Variants in FBH1 observed in about 807,000 individuals in gnomAD.
FBH1 encodes DNA 3'-5' helicase 1.
A neutral mutation model predicts 115.5 loss-of-function variants in FBH1; 43 were observed. The ratio of observed to expected loss-of-function variants is 0.37; its 90% CI spans 0.29 to 0.48. The LOEUF (loss-of-function observed/expected upper bound fraction) is 0.48, where lower values mean the gene tolerates loss of function less well. Ranked by LOEUF, FBH1 falls within the 20% of genes least tolerant of loss-of-function variation. The pLI is 0.99. For synonymous variants in FBH1, 524 were observed against 507.8 expected, an observed-to-expected ratio of 1.03 and a Z score of -0.43; for missense variants, 1,001 against 1,337.3, an observed-to-expected ratio of 0.75 and a Z score of 3.92.
At chr10:5,902,731 A>G (rs1843427484) in intron 1 of FBH1, among the ~76,000 whole-genome samples, 1 of 152,120 alleles carries the variant, frequency 6.6e-6, no homozygotes, top group Non-Finnish European at 1.5e-5. Flanking sequence ...GCCCAGCCAC[A>G]ACGTTTTCTT....
At chr10:5,928,095 A>AC (rs1832759392) in intron 19 of FBH1, among the ~76,000 whole-genome samples, 1 of 150,514 alleles carries the variant, frequency 6.6e-6, no homozygotes, top group East Asian at 1.9e-4. Flanking sequence ...AAAAAAAAAA[A>AC]AGATACCAGC....
chr10:5,921,383 T>C lies in FBH1; in HGVS notation c.2200+26T>C, dbSNP rs369080849. On this transcript the variant is annotated intron_variant, in intron 14 of 20. Coordinates refer to ENST00000362091, the MANE Select transcript of FBH1 (RefSeq NM_178150.3). The surrounding 1 kb of genome is among the most constrained non-coding windows in gnomAD (Gnocchi z 6.4). Reference sequence around the variant, plus strand: ...GTAAGGCTTTTAGTTACTCTTCTCTTTTGTGTTACAAAAGTTTTCCTCTTT... The same window carrying C: ...GTAAGGCTTTTAGTTACTCTTCTCTCTTGTGTTACAAAAGTTTTCCTCTTT... 5 of 1,611,018 alleles carry C rather than the reference T, an allele frequency of 3.1e-6. No individual in the cohort carries two copies. The African/African-American group carries it at 6.7e-5, about 22-fold the overall frequency.
At chr10:5,889,931 G>GC (rs1345045510), upstream of FBH1, 1 of 172,150 alleles carries the variant, frequency 5.8e-6, no homozygotes, top group Non-Finnish European at 1.2e-5. Flanking sequence ...CCTGGGCTCC[G>GC]CCCCCGTCCC....
At chr10:5,894,370 T>C in intron 1 of FBH1, 1 of 1,578,770 alleles carries the variant, frequency 6.3e-7, no homozygotes, top group Non-Finnish European at 8.6e-7. Context: ...GAAATTAAAC[T>C]TGAGGTTTTC....
rs77792699 is a variant in FBH1 at position 5,918,116 on chromosome 10, A to G, written c.1964-226A>G. 2.4e-3 allele frequency among the ~76,000 whole-genome samples: 371 copies of G among 152,324 alleles called. 3 individuals carry two copies. In the East Asian group the frequency reaches 0.044, roughly 18 times the overall value. ...TGTGTTGTTTTCTTATATTCCAACA[A>G]TTCATCCAAGGCGAAACATAATCTG... On this transcript the variant is annotated intron_variant, in intron 12 of 20. Coordinates refer to ENST00000362091, the MANE Select transcript of FBH1 (RefSeq NM_178150.3). This position sits in a 1 kb window ranked among gnomAD's most constrained non-coding sequence, Gnocchi z 4.0.
chr10:5,903,219 G>A, intron 2 of FBH1, 44 bp downstream of exon 2: 3 of 1,489,814 alleles, frequency 2.0e-6, no homozygotes, highest in Non-Finnish European at 1.8e-6. Context: ...CCTGTAGTGT[G>A]TGGGTCCTTT....
At position 5,910,830 on chromosome 10, in the gene FBH1, A is replaced by G. The variant is rs111714758; in HGVS notation, c.1021-108A>G. 3.1e-3 allele frequency: 2,820 copies of G among 923,530 alleles called. 58 individuals carry two copies. The African/African-American group carries it at 0.042, about 14-fold the overall frequency. The allele number at this position is 923,530 out of a possible 1,614,324, so 57.2% of individuals were successfully genotyped here. On this transcript the variant is annotated intron_variant, in intron 5 of 20. Coordinates refer to ENST00000362091, the MANE Select transcript of FBH1 (RefSeq NM_178150.3). This position sits in a 1 kb window ranked among gnomAD's most constrained non-coding sequence, Gnocchi z 4.8. ...TTTGGATTCAGTCCAGACAGTCTGT[A>G]GCCAGCAGCTGGACCCGTGGCTCGG...
At position 5,921,343 on chromosome 10, in the gene FBH1, G is replaced by C; in HGVS notation, c.2186G>C (p.Gly729Ala). Residue 729 changes from glycine to alanine, a missense_variant, in exon 14 of 21, where the codon GGA becomes GCA. Around this residue, in one of 4 missense-constraint regions of FBH1, gnomAD observed 521 missense variants for 811.0 expected, o/e 0.64. Coordinates refer to ENST00000362091, the MANE Select transcript of FBH1 (RefSeq NM_178150.3). The surrounding 1 kb of genome is among the most constrained non-coding windows in gnomAD (Gnocchi z 6.4). ...AGAGTCAGGAAAAAGACTTTGGTTG[G>C]AGGAAACCATCAGAGTAAGGCTTTT... ...CKRVRKKTLV[G>A]GNHQSGIRGD... The C allele has an allele frequency of 6.2e-7, 1 of 1,614,202 alleles. No individual in the cohort carries two copies. Among genetic ancestry groups the C allele is most frequent in the Non-Finnish European group, 8.5e-7 (1 of 1,180,024 alleles).
chr10:5,889,994 TG>T (rs1352253305), upstream of FBH1: 1 of 230,236 alleles, frequency 4.3e-6, no homozygotes, highest in African/African-American at 2.3e-5. Flanking sequence ...GAAGGAACTC[TG>T]GGAAAGTTTC....
chr10:5,923,561 C>T lies in FBH1; in HGVS notation c.2323-60C>T, dbSNP rs1832434950. ...TTATTTTGTTTTGTTAAAGCAACAACAAACAAAACAAAACAAAAAACAACA... is the reference window on the plus strand; with the variant it reads ...TTATTTTGTTTTGTTAAAGCAACAATAAACAAAACAAAACAAAAAACAACA... On this transcript the variant is annotated intron_variant, in intron 15 of 20. Coordinates refer to ENST00000362091, the MANE Select transcript of FBH1 (RefSeq NM_178150.3). This position sits in a 1 kb window ranked among gnomAD's most constrained non-coding sequence, Gnocchi z 5.7. 1 of 1,425,972 alleles carries T rather than the reference C, an allele frequency of 7.0e-7. No individual in the cohort carries two copies. Among genetic ancestry groups the T allele is most frequent in the Non-Finnish European group, 9.8e-7 (1 of 1,021,634 alleles). 88.3% of individuals were successfully genotyped at this position (1,425,972 alleles called of 1,614,324 possible).
At position 5,921,161 on chromosome 10, in the gene FBH1, G is replaced by A; in HGVS notation, c.2101-97G>A. ...CCATGCGGGGGGTCAGGAACAACTT[G>A]TAGGGTCTGGCCCGGCCAGGCTGTG... is the stretch of plus-strand genomic sequence containing the variant. On this transcript the variant is annotated intron_variant, in intron 13 of 20. Coordinates refer to ENST00000362091, the MANE Select transcript of FBH1 (RefSeq NM_178150.3). The surrounding 1 kb of genome is among the most constrained non-coding windows in gnomAD (Gnocchi z 6.4). 5.1e-6 allele frequency: 6 copies of A among 1,166,862 alleles called. No individual in the cohort carries two copies. The highest frequency in any genetic ancestry group is 1.2e-6 in the Non-Finnish European group (1 of 804,872). 72.3% of individuals were successfully genotyped at this position (1,166,862 alleles called of 1,614,324 possible). A position where few individuals can be genotyped will look rare whatever the true frequency, so the allele number is the denominator to read the frequency against.
chr10:5,917,669 C>T lies in FBH1; in HGVS notation c.1956C>T (p.Cys652=). 2 of 1,613,276 alleles carry T rather than the reference C, an allele frequency of 1.2e-6. No individual in the cohort carries two copies. Among genetic ancestry groups the T allele is most frequent in the African/African-American group, 1.3e-5 (1 of 75,040 alleles). Residue 652 remains cysteine (C), a synonymous_variant, in exon 12 of 21, where the codon TGC becomes TGT. Transcript: ENST00000362091. This position sits in a 1 kb window ranked among gnomAD's most constrained non-coding sequence, Gnocchi z 5.6. ...DAIFVDEAQD[C]TPAIMNIVLS... ...TCTTTGTGGATGAGGCCCAGGACTGCACACCAGGTGATACACTGTTCAGGA... is the reference window on the plus strand; with the variant it reads ...TCTTTGTGGATGAGGCCCAGGACTGTACACCAGGTGATACACTGTTCAGGA...
chr10:5,901,729 T>C (rs1341548171), intron 1 of FBH1, among the ~76,000 whole-genome samples: 1 of 151,570 alleles, frequency 6.6e-6, no homozygotes, highest in Non-Finnish European at 1.5e-5. Context: ...CACACCTGGC[T>C]GATTTTTATA....
At chr10:5,920,670 C>T (rs1450886625) in intron 13 of FBH1, among the ~76,000 whole-genome samples, 1 of 152,230 alleles carries the variant, frequency 6.6e-6, no homozygotes, top group Non-Finnish European at 1.5e-5. Context: ...ACTGTTACTG[C>T]TATTCACCAA....
At chr10:5,908,510 GCCTGATTTT>G (rs1314106778) in intron 3 of FBH1, among the ~76,000 whole-genome samples, 1 of 152,104 alleles carries the variant, frequency 6.6e-6, no homozygotes. Context: ...TAACATTTCT[GCCTGATTTT>G]CCTGGCTTTT....
chr10:5,933,630 A>G lies in FBH1; in HGVS notation c.2830-2826A>G, dbSNP rs1287634436. Among the ~76,000 whole-genome samples, 2 of 148,798 alleles carry G rather than the reference A, an allele frequency of 1.3e-5. No individual in the cohort carries two copies. The highest frequency in any genetic ancestry group is 5.0e-5 in the African/African-American group (2 of 40,176). On this transcript the variant is annotated intron_variant, in intron 19 of 20. Transcript: ENST00000362091. The surrounding 1 kb of genome is among the most constrained non-coding windows in gnomAD (Gnocchi z 4.9). ...GGCTGTAAGACCTTGTTAGAAGTGG[A>G]GGCACTCTGCTGTTTTTTTTTTTTT...
In FBH1 at chr10:5,936,294, GA is replaced by G. The variant is rs1414037186; in HGVS notation, c.2830-158del. The G allele has an allele frequency of 3.1e-6, 2 of 651,434 alleles. No homozygotes were observed. The highest frequency in any genetic ancestry group is 1.8e-5 in the African/African-American group (1 of 55,138). 40.4% of individuals were successfully genotyped at this position (651,434 alleles called of 1,614,324 possible). ...GACTGTCGATAGCTTTGGAGGCAGG[GA>G]AAAGTTAGAGGAAGTAAGGGAGAAC... On this transcript the variant is annotated intron_variant, in intron 19 of 20. Coordinates refer to ENST00000362091, the MANE Select transcript of FBH1 (RefSeq NM_178150.3). The surrounding 1 kb of genome is among the most constrained non-coding windows in gnomAD (Gnocchi z 5.6).
rs1249883531 is a variant in FBH1, at chr10:5,917,951, C to T, written c.1963+275C>T. ...AGACTCATGCTCTGTGGGAAGAGAT[C>T]GTCCATTGACAGGGAAAAGCTTGTG... On this transcript the variant is annotated intron_variant, in intron 12 of 20. Transcript: ENST00000362091. This position sits in a 1 kb window ranked among gnomAD's most constrained non-coding sequence, Gnocchi z 5.6. 1.3e-5 allele frequency among the ~76,000 whole-genome samples: 2 copies of T among 152,146 alleles called. No homozygotes were observed. Among genetic ancestry groups the T allele is most frequent in the Non-Finnish European group, 2.9e-5 (2 of 68,036 alleles).
chr10:5,889,702 T>A (rs1158741102), upstream of FBH1: 1 of 168,122 alleles, frequency 5.9e-6, no homozygotes, highest in East Asian at 1.7e-4. Flanking sequence ...TCCGCCGTCC[T>A]GGAGCTGCAG....
Sources: gnomAD v4.1 joint callset for allele counts (sites outside exome capture counted in the v4.1 genomes callset) on GRCh38, gnomAD v4.1.1 for gene constraint, gnomAD v4.1.1 regional missense constraint, Gnocchi (gnomAD v3.1) non-coding constraint, MANE v1.5 for transcripts, NCBI Gene and HGNC (gene_info 2026-07-23, HGNC 2026-07-21) for gene names.